Variants in EHD4 observed in about 807,000 individuals in gnomAD.
EHD4 encodes the protein EH domain-containing protein 4.
A neutral mutation model predicts 51.0 loss-of-function variants in EHD4; 37 were observed. The observed-to-expected ratio is 0.73, with a 90% CI of 0.56 to 0.95. The LOEUF (loss-of-function observed/expected upper bound fraction) is 0.95. Among genes scored for constraint, EHD4 ranks in the 40% least tolerant of loss-of-function variants. The probability of loss-of-function intolerance (pLI) is 0.00; values close to 1 mark genes in which losing one functional copy is unlikely to be tolerated. For synonymous variants in EHD4, 297 were observed against 317.3 expected (o/e 0.94, Z 0.68); for missense variants, 632 against 733.1 (o/e 0.86, Z 1.59).
intron 3 of EHD4, among the ~76,000 whole-genome samples, chr15:41,922,744 G>A (rs931390610): frequency 6.6e-6 from 1 of 152,240 alleles, no homozygotes; most frequent in African/African-American, 2.4e-5. Flanking sequence ...ATTAGGAACA[G>A]AGCTGCCAGA....
At chr15:41,939,465 C>T (rs868111406) in intron 3 of EHD4, among the ~76,000 whole-genome samples, 4 of 152,078 alleles carry the variant, frequency 2.6e-5, no homozygotes, top group East Asian at 1.9e-4. Flanking sequence ...GAGGCCGAGG[C>T]GGGTGGATCA....
In EHD4 at chr15:41,900,507, C is replaced by T; in HGVS notation, c.*138G>A. The T allele has an allele frequency of 1.2e-6, 1 of 859,112 alleles. No individual in the cohort carries two copies. Among genetic ancestry groups the T allele is most frequent in the Non-Finnish European group, 1.7e-6 (1 of 575,274 alleles). The allele number at this position is 859,112 out of a possible 1,614,324, so 53.2% of individuals were successfully genotyped here. On this transcript the variant is annotated 3_prime_UTR_variant, in exon 6 of 6. Transcript: ENST00000220325. The surrounding 1 kb of genome is among the most constrained non-coding windows in gnomAD (Gnocchi z 4.8). The stretch of plus-strand genomic sequence containing the variant: ...AAGAAGTCATCTAGTTTCCAGTGTC[C>T]ACCCTCCCCATTCTACAGATGGGGA...
intron 4 of EHD4, among the ~76,000 whole-genome samples, chr15:41,918,085 T>C (rs2067597310): frequency 6.6e-6 from 1 of 152,080 alleles, no homozygotes; most frequent in Non-Finnish European, 1.5e-5. Context: ...GAGGAAGAAT[T>C]GTCCCCACCT....
At chr15:41,959,344 C>T (rs370320736) in intron 1 of EHD4, among the ~76,000 whole-genome samples, 13 of 142,518 alleles carry the variant, frequency 9.1e-5, no homozygotes, top group African/African-American at 2.4e-4. Context: ...TGCAGTGAGC[C>T]GAGATCGTGC....
intron 5 of EHD4, among the ~76,000 whole-genome samples, chr15:41,904,231 T>G (rs950287675): frequency 8.5e-5 from 13 of 152,168 alleles, no homozygotes; most frequent in Admixed American, 2.6e-4. Context: ...GGCCGTGGAT[T>G]CCGACTGCAG....
At chr15:41,913,410 G>A (rs558228175) in intron 4 of EHD4, among the ~76,000 whole-genome samples, 4 of 152,308 alleles carry the variant, frequency 2.6e-5, no homozygotes, top group East Asian at 1.9e-4. Flanking sequence ...GGAGGAGTAC[G>A]AAAGAGAAGA....
At chr15:41,911,303 T>C (rs1003087130) in intron 4 of EHD4, among the ~76,000 whole-genome samples, 6 of 152,324 alleles carry the variant, frequency 3.9e-5, no homozygotes, top group African/African-American at 1.4e-4. Context: ...AGCAAACTTG[T>C]TTATGTACTT....
intron 5 of EHD4, among the ~76,000 whole-genome samples, chr15:41,903,168 G>C (rs2067488881): frequency 6.6e-6 from 1 of 151,636 alleles, no homozygotes; most frequent in African/African-American, 2.4e-5. Context: ...GTTCTAGAGG[G>C]GGCCAAAGAG....
At position 41,900,650 on chromosome 15, in the gene EHD4, C is replaced by A; in HGVS notation, c.1621G>T (p.Asp541Tyr). ...PSHRKSLPKA[D>Y] ...CCCGTTCTGCAGCCCACCCCTCAGT[C>A]GGCCTTGGGCAGGGACTTCCTGTGC... is the stretch of plus-strand genomic sequence containing the variant. Residue 541 changes from aspartate to tyrosine, a missense_variant, in exon 6 of 6, where the codon GAC becomes TAC. Transcript: ENST00000220325. This position sits in a 1 kb window ranked among gnomAD's most constrained non-coding sequence, Gnocchi z 4.8. 1 of 1,587,320 alleles carries A rather than the reference C, an allele frequency of 6.3e-7. No homozygotes were observed. The highest frequency in any genetic ancestry group is 8.5e-7 in the Non-Finnish European group (1 of 1,170,472).
intron 5 of EHD4, among the ~76,000 whole-genome samples, chr15:41,903,941 T>A (rs1237667766): frequency 6.6e-6 from 1 of 152,096 alleles, no homozygotes. Context: ...ACTCCTGACA[T>A]CAGCACCAAA....
At chr15:41,949,556 A>ATG (rs2067839609) in intron 2 of EHD4, among the ~76,000 whole-genome samples, 1 of 152,166 alleles carries the variant, frequency 6.6e-6, no homozygotes, top group Non-Finnish European at 1.5e-5. Context: ...CATCAGGCCC[A>ATG]GCTAAAATGA....
At position 41,972,377 on chromosome 15, in the gene EHD4, C is replaced by G. The variant is rs1291971311; in HGVS notation, c.118G>C (p.Glu40Gln). ...SLYLRKVLPL[E>Q]EAYRFHEFHS... is the part of the protein sequence containing the mutation. The stretch of plus-strand genomic sequence containing the variant: ...AACTCGTGGAAGCGGTACGCCTCCT[C>G]CAGCGGCAGCACCTTGCGCAGGTAG... Residue 40 changes from glutamate (E) to glutamine (Q), a missense_variant, in exon 1 of 6, where the codon GAG becomes CAG. Transcript: ENST00000220325. 1.9e-6 allele frequency: 3 copies of G among 1,611,222 alleles called. No individual in the cohort carries two copies. Among genetic ancestry groups the G allele is most frequent in the Non-Finnish European group, 1.7e-6 (2 of 1,178,906 alleles).
In EHD4 at chr15:41,900,421, C is replaced by T; in HGVS notation, c.*224G>A. ...TTCTCTTTCTTCTCAACCCTTCAAT[C>T]TCCTAATCCACCCCCCTACCCCCAA... On this transcript the variant is annotated 3_prime_UTR_variant, in exon 6 of 6. Coordinates refer to ENST00000220325, the MANE Select transcript of EHD4 (RefSeq NM_139265.4). This position sits in a 1 kb window ranked among gnomAD's most constrained non-coding sequence, Gnocchi z 4.8. 1.7e-6 allele frequency: 1 copy of T among 579,516 alleles called. No individual in the cohort carries two copies. The highest frequency in any genetic ancestry group is 2.3e-5 in the South Asian group (1 of 43,188). The allele number at this position is 579,516 out of a possible 1,614,324, so 35.9% of individuals were successfully genotyped here.
intron 4 of EHD4, among the ~76,000 whole-genome samples, chr15:41,915,904 A>G (rs1215436055): frequency 1.3e-5 from 2 of 152,214 alleles, no homozygotes; most frequent in Non-Finnish European, 2.9e-5. Context: ...TGAAAAAAAT[A>G]TACAAACAGA....
intron 4 of EHD4, among the ~76,000 whole-genome samples, chr15:41,913,298 C>T (rs2067561830): frequency 6.6e-6 from 1 of 152,242 alleles, no homozygotes; most frequent in Admixed American, 6.5e-5. Context: ...TCTCCAAATA[C>T]ATGCCAGACC....
At chr15:41,917,715 C>T (rs1456733589) in intron 4 of EHD4, among the ~76,000 whole-genome samples, 1 of 152,096 alleles carries the variant, frequency 6.6e-6, no homozygotes, top group Non-Finnish European at 1.5e-5. Flanking sequence ...AGGACAAGGG[C>T]GAGGGCAAAA....
At position 41,959,814 on chromosome 15, in the gene EHD4, A is replaced by T. The variant is rs1003162920; in HGVS notation, c.237-5874T>A. Among the ~76,000 whole-genome samples the T allele has an allele frequency of 2.0e-5, 3 of 152,048 alleles. No individual in the cohort carries two copies. In the East Asian group the frequency reaches 5.8e-4, roughly 29 times the overall value. ...GTGAAACCCCGTCTCTACTAAAAGCACAAAAATTAGCCGGGCGTGGTGGTG... is the reference window on the plus strand; with the variant it reads ...GTGAAACCCCGTCTCTACTAAAAGCTCAAAAATTAGCCGGGCGTGGTGGTG... On this transcript the variant is annotated intron_variant, in intron 1 of 5. Coordinates refer to ENST00000220325, the MANE Select transcript of EHD4 (RefSeq NM_139265.4).
chr15:41,945,377 C>G (rs2067804687), intron 2 of EHD4, among the ~76,000 whole-genome samples: 1 of 152,220 alleles, frequency 6.6e-6, no homozygotes, highest in Non-Finnish European at 1.5e-5. Context: ...CCTGACATGA[C>G]AGCAGAGGCC....
intron 1 of EHD4, among the ~76,000 whole-genome samples, chr15:41,955,277 A>G (rs1458028073): frequency 6.9e-6 from 1 of 144,130 alleles, no homozygotes; most frequent in African/African-American, 3.0e-5. Context: ...GGCATCAGAG[A>G]GGCCAAGCGG....
Sources: allele counts gnomAD v4.1 joint callset (sites outside exome capture counted in the v4.1 genomes callset), GRCh38; gene constraint gnomAD v4.1.1; non-coding constraint Gnocchi (gnomAD v3.1); transcripts MANE v1.5; gene names NCBI Gene and HGNC (gene_info 2026-07-23, HGNC 2026-07-21).